Variants in C14orf39 observed in about 807,000 individuals in gnomAD.
The protein encoded by C14orf39 is chromosome 14 open reading frame 39.
A neutral mutation model predicts 85.6 loss-of-function variants in C14orf39; 66 were observed. The observed-to-expected ratio is 0.77, with a 90% CI of 0.63 to 0.95. C14orf39 has a LOEUF of 0.95. Among genes scored for constraint, C14orf39 ranks in the 40% least tolerant of loss-of-function variants. C14orf39 has a pLI of 0.00. For synonymous variants in C14orf39, 242 were observed against 214.0 expected (o/e 1.13, Z -1.14); for missense variants, 735 against 663.9 (o/e 1.11, Z -1.18).
Position 60,461,371 on chromosome 14 carries a change from G to A in C14orf39, c.1100C>T (p.Ser367Leu), listed in dbSNP as rs1421877446. ...GCAAATACCTTTATCCCCTTTTTCCGACCACTGATTGGAATTTGATTGTTT... is the reference window on the plus strand; with the variant it reads ...GCAAATACCTTTATCCCCTTTTTCCAACCACTGATTGGAATTTGATTGTTT... ...PQKQSNSNQWSEKGDKDAEYG... is the reference protein window; with the variant it reads ...PQKQSNSNQWLEKGDKDAEYG... Residue 367 changes from serine to leucine, a missense_variant, in exon 13 of 18, where the codon TCG (serine) becomes TTG (leucine). By Grantham distance (145) the Ser-to-Leu change is moderately radical (BLOSUM62 -2). Transcript: ENST00000321731. 7 of 1,610,110 alleles carry A rather than the reference G, an allele frequency of 4.3e-6. No homozygotes were observed. Among genetic ancestry groups the A allele is most frequent in the South Asian group, 3.3e-5 (3 of 90,596 alleles).
At chr14:60,444,469 A>T (rs1890669022) in intron 16 of C14orf39, among the ~76,000 whole-genome samples, 1 of 152,226 alleles carries the variant, frequency 6.6e-6, no homozygotes, top group African/African-American at 2.4e-5. Flanking sequence ...GATCAAATTA[A>T]TGAAATAAAG....
intron 5 of C14orf39, among the ~76,000 whole-genome samples, chr14:60,474,311 G>A (rs949306067): frequency 6.6e-6 from 1 of 151,918 alleles, no homozygotes; most frequent in Non-Finnish European, 1.5e-5. Context: ...CTGAGACAAT[G>A]GTGTTTTCTA....
At chr14:60,440,075 CA>C (rs958667426) in intron 17 of C14orf39, among the ~76,000 whole-genome samples, 47 of 149,162 alleles carry the variant, frequency 3.2e-4, no homozygotes, top group African/African-American at 1.1e-3. Context: ...AACTCTGTCT[CA>C]AAAAAAAAGA....
chr14:60,492,641 T>C (rs1384449952), intron 2 of C14orf39, among the ~76,000 whole-genome samples: 1 of 151,590 alleles, frequency 6.6e-6, no homozygotes, highest in Non-Finnish European at 1.5e-5. Flanking sequence ...AAATTAGCTG[T>C]GTGTGCTGGT....
chr14:60,487,057 C>T (rs148478580), upstream of C14orf39, among the ~76,000 whole-genome samples: 130 of 152,308 alleles, frequency 8.5e-4, no homozygotes, highest in East Asian at 0.02. Context: ...GTGAAATGAT[C>T]ACCACGATCA....
chr14:60,458,232 A>G (rs1891366572), intron 14 of C14orf39, among the ~76,000 whole-genome samples: 1 of 151,900 alleles, frequency 6.6e-6, no homozygotes, highest in African/African-American at 2.4e-5. Flanking sequence ...CTCTCAAACT[A>G]TATAGTTGTA....
intron 5 of C14orf39, among the ~76,000 whole-genome samples, chr14:60,473,788 T>C (rs528176174): frequency 1.8e-4 from 27 of 152,182 alleles, no homozygotes; most frequent in Non-Finnish European, 3.1e-4. Context: ...CAGTACCATG[T>C]TGTTTTGGTT....
At position 60,456,897 on chromosome 14, in the gene C14orf39, G is replaced by C. The variant is rs115702062; in HGVS notation, c.1358+20C>G. On this transcript the variant is annotated intron_variant, in intron 15 of 17. Coordinates refer to ENST00000321731, the MANE Select transcript of C14orf39 (RefSeq NM_174978.3). ...TCAACATACAAATAATTTAACAATAGTTATTAATTAAAATCCTACATTTCG... is the reference window on the plus strand; with the variant it reads ...TCAACATACAAATAATTTAACAATACTTATTAATTAAAATCCTACATTTCG... 1,086 of 1,524,706 alleles carry C rather than the reference G, an allele frequency of 7.1e-4. 11 individuals are homozygous for C. In the African/African-American group the frequency reaches 0.012, roughly 17 times the overall value. 94.4% of individuals were successfully genotyped at this position (1,524,706 alleles called of 1,614,324 possible). A position where few individuals can be genotyped will look rare whatever the true frequency, so the allele number is the denominator to read the frequency against.
chr14:60,489,162 G>A (rs1892948075), upstream of C14orf39, among the ~76,000 whole-genome samples: 1 of 152,090 alleles, frequency 6.6e-6, no homozygotes, highest in Non-Finnish European at 1.5e-5. Flanking sequence ...CATCAATCTT[G>A]ATTTAACCTG....
chr14:60,449,126 G>A (rs1190612864), intron 16 of C14orf39, among the ~76,000 whole-genome samples: 1 of 152,126 alleles, frequency 6.6e-6, no homozygotes, highest in Non-Finnish European at 1.5e-5. Flanking sequence ...CATGGCACAT[G>A]TATACCTATG....
At chr14:60,496,091 G>A in intron 2 of C14orf39, 1 of 744,004 alleles carries the variant, frequency 1.3e-6, no homozygotes, top group Non-Finnish European at 2.2e-6. Context: ...GGCTTCCAGT[G>A]TTCTGACTGA....
chr14:60,482,576 G>A (rs1296752119), intron 4 of C14orf39, among the ~76,000 whole-genome samples: 3 of 152,116 alleles, frequency 2.0e-5, no homozygotes, highest in Non-Finnish European at 4.4e-5. Context: ...TCGACCCAAT[G>A]TTTAAATGTG....
chr14:60,446,698 A>ATGAGGCCAGCATCATCT (rs1890782484), intron 16 of C14orf39, among the ~76,000 whole-genome samples: 2 of 152,262 alleles, frequency 1.3e-5, no homozygotes, highest in South Asian at 4.1e-4. Context: ...AACTCATTTT[A>ATGAGGCCAGCATCATCT]TGAGGCCAGC....
chr14:60,509,937 G>A, intron 1 of C14orf39: 1 of 1,609,846 alleles, frequency 6.2e-7, no homozygotes, highest in Non-Finnish European at 8.5e-7. Flanking sequence ...AAAAACCGCC[G>A]ACAAAGGGAC....
At chr14:60,498,576 G>T (rs1044219909) in intron 2 of C14orf39, among the ~76,000 whole-genome samples, 7 of 152,188 alleles carry the variant, frequency 4.6e-5, no homozygotes, top group Admixed American at 4.6e-4. Flanking sequence ...TTTAAACAAT[G>T]CTAAATGTTA....
chr14:60,450,861 T>A (rs569683312), intron 16 of C14orf39, among the ~76,000 whole-genome samples: 1 of 152,296 alleles, frequency 6.6e-6, no homozygotes, highest in African/African-American at 2.4e-5. Context: ...TGCCTGGTAA[T>A]CTAGAGAATC....
At chr14:60,450,283 G>A (rs1432314391) in intron 16 of C14orf39, among the ~76,000 whole-genome samples, 2 of 152,170 alleles carry the variant, frequency 1.3e-5, no homozygotes, top group African/African-American at 4.8e-5. Context: ...CTGGGCCAGA[G>A]GGGAGCCCAC....
intron 4 of C14orf39, 39 bp downstream of exon 4, chr14:60,483,652 A>G (rs1054668178): frequency 6.5e-7 from 1 of 1,543,708 alleles, no homozygotes; most frequent in East Asian, 2.3e-5. Flanking sequence ...AACCCTAAAT[A>G]AAAGAATGCA....
intron 2 of C14orf39, chr14:60,496,127 C>A: frequency 1.9e-6 from 1 of 518,894 alleles, no homozygotes; most frequent in Non-Finnish European, 3.8e-6. Context: ...CAGAAACCTG[C>A]TGGAACATGT....
Sources: allele counts gnomAD v4.1 joint callset (sites outside exome capture counted in the v4.1 genomes callset), GRCh38; gene constraint gnomAD v4.1.1; transcripts MANE v1.5; gene names NCBI Gene and HGNC (gene_info 2026-07-23, HGNC 2026-07-21).